CCDC73: variants seen among roughly 807,000 people sequenced by gnomAD.
CCDC73 encodes coiled-coil domain-containing protein 73.
A neutral mutation model predicts 116.5 loss-of-function variants in CCDC73; 95 were observed. The observed-to-expected ratio is 0.82, with a 90% confidence interval of 0.69 to 0.97. CCDC73 has a LOEUF of 0.97. Among genes scored for constraint, CCDC73 ranks in the 50% least tolerant of loss-of-function variants. The pLI, the probability that CCDC73 is intolerant of heterozygous loss-of-function variation, is 0.00. For missense variants in CCDC73, 1,066 were observed against 1,206.8 expected (o/e 0.88, Z 1.73); for synonymous variants, 398 against 401.3 (o/e 0.99, Z 0.10).
At chr11:32,809,466 C>G in the CCDC73 span, among the ~76,000 whole-genome samples, 92 of 152,318 alleles carry the variant, frequency 6.0e-4, 2 homozygotes, top group East Asian at 0.017. Context: ...CTGTCTTGAG[C>G]ATTACAAGTA....
At chr11:32,774,555 CT>C (rs1850517601) in intron 1 of CCDC73, among the ~76,000 whole-genome samples, 1 of 151,674 alleles carries the variant, frequency 6.6e-6, no homozygotes, top group African/African-American at 2.4e-5. Context: ...AACATTGGTC[CT>C]CAAAGAATAC....
rs142077917 is a variant in CCDC73 at position 32,658,360 on chromosome 11, G to A, written c.646-3388C>T. ...AGAGAAAGCATTTCAAGTATGGGAA[G>A]GGATGTAGAGGAAAACAAAACCAAA... On this transcript the variant is annotated intron_variant, in intron 9 of 17. Transcript: ENST00000335185. 8.1e-4 allele frequency among the ~76,000 whole-genome samples: 123 copies of A among 152,322 alleles called. 1 individual carries two copies. The highest frequency in any genetic ancestry group is 3.0e-3 in the African/African-American group (123 of 41,574).
At chr11:32,674,379 G>C (rs959600662) in intron 9 of CCDC73, among the ~76,000 whole-genome samples, 4 of 152,168 alleles carry the variant, frequency 2.6e-5, no homozygotes, top group African/African-American at 7.2e-5. Context: ...TCTACAGAAA[G>C]AACAAAGCCT....
At chr11:32,689,467 C>T (rs112864828) in intron 6 of CCDC73, among the ~76,000 whole-genome samples, 5,214 of 151,974 alleles carry the variant, frequency 0.034, 107 homozygotes, top group Non-Finnish European at 0.047. Context: ...AACAGGAAGA[C>T]TTGTACACAC....
intron 6 of CCDC73, among the ~76,000 whole-genome samples, chr11:32,685,658 CTAA>C (rs1237386805): frequency 1.3e-5 from 2 of 149,810 alleles, no homozygotes; most frequent in Non-Finnish European, 3.0e-5. Flanking sequence ...GTTTTTACAA[CTAA>C]TGAGATGGAA....
intron 3 of CCDC73, among the ~76,000 whole-genome samples, chr11:32,716,648 A>T (rs1849948777): frequency 6.6e-6 from 1 of 152,112 alleles, no homozygotes; most frequent in Non-Finnish European, 1.5e-5. Flanking sequence ...TACAGCCTCA[A>T]ATTCCTGGGC....
intron 9 of CCDC73, among the ~76,000 whole-genome samples, chr11:32,672,806 TAGAC>T (rs1160583562): frequency 6.6e-6 from 1 of 152,182 alleles, no homozygotes; most frequent in Non-Finnish European, 1.5e-5. Context: ...GTTTGCTAAA[TAGAC>T]AGACTTTTAA....
intron 9 of CCDC73, among the ~76,000 whole-genome samples, chr11:32,670,102 T>G (rs899254895): frequency 1.1e-4 from 17 of 152,364 alleles, no homozygotes; most frequent in Non-Finnish European, 1.3e-4. Context: ...AGGTGCTTTC[T>G]TATGCACTAA....
rs181970679 is a variant in CCDC73 at position 32,727,635 on chromosome 11, C to T, written c.136-9488G>A. ...TCCCCCAGGCTGGAGCGCAGTGGCGCCATCTCGGCTCACTGCAACCTCTGC... is the reference window on the plus strand; with the variant it reads ...TCCCCCAGGCTGGAGCGCAGTGGCGTCATCTCGGCTCACTGCAACCTCTGC... On this transcript the variant is annotated intron_variant, in intron 2 of 17. Coordinates refer to ENST00000335185, the MANE Select transcript of CCDC73 (RefSeq NM_001008391.4). 3.6e-3 allele frequency among the ~76,000 whole-genome samples: 554 copies of T among 152,208 alleles called. 9 individuals carry two copies. Among genetic ancestry groups the T allele is most frequent in the Non-Finnish European group, 6.7e-3 (454 of 68,000 alleles).
chr11:32,705,209 G>T (rs1392117871), intron 3 of CCDC73, among the ~76,000 whole-genome samples: 1 of 152,226 alleles, frequency 6.6e-6, no homozygotes, highest in Non-Finnish European at 1.5e-5. Flanking sequence ...AACACAAACA[G>T]GCTAAAATAC....
At chr11:32,774,867 CAACAG>C (rs1850520215) in intron 1 of CCDC73, among the ~76,000 whole-genome samples, 1 of 151,964 alleles carries the variant, frequency 6.6e-6, no homozygotes, top group Admixed American at 6.6e-5. Flanking sequence ...ACATGGAAAC[CAACAG>C]TGTGATAAGC....
In CCDC73 at chr11:32,642,019, T is replaced by G; in HGVS notation, c.1003A>C (p.Asn335His). ...GCTTTTTCATGCTCATTTTGAAGAT[T>G]AAGAAACTTTTCTTCATTTTCTTTT... ...KVKENEEKFL[N>H]LQNEHEKALG... is the part of the protein sequence containing the mutation. Residue 335 changes from asparagine to histidine, a missense_variant, in exon 13 of 18, where the codon AAT (asparagine) becomes CAT (histidine). Coordinates refer to ENST00000335185, the MANE Select transcript of CCDC73 (RefSeq NM_001008391.4). The G allele has an allele frequency of 6.4e-7, 1 of 1,568,590 alleles. No homozygotes were observed. Among genetic ancestry groups the G allele is most frequent in the African/African-American group, 1.4e-5 (1 of 73,510 alleles).
At chr11:32,657,272 C>T (rs951652848) in intron 9 of CCDC73, among the ~76,000 whole-genome samples, 2 of 152,198 alleles carry the variant, frequency 1.3e-5, no homozygotes, top group African/African-American at 4.8e-5. Context: ...GGAGAAAGGA[C>T]TCATTGGTCT....
At chr11:32,768,915 C>G (rs948970633) in intron 1 of CCDC73, among the ~76,000 whole-genome samples, 3 of 152,130 alleles carry the variant, frequency 2.0e-5, no homozygotes, top group African/African-American at 7.2e-5. Context: ...GATGTCTGAA[C>G]AAGTACTTCA....
chr11:32,633,768 G>T (rs571050358), intron 14 of CCDC73, among the ~76,000 whole-genome samples: 1 of 152,278 alleles, frequency 6.6e-6, no homozygotes, highest in Non-Finnish European at 1.5e-5. Flanking sequence ...CCTCTATGTA[G>T]CATGTGCCAA....
chr11:32,709,789 T>A (rs1294638371), intron 3 of CCDC73, among the ~76,000 whole-genome samples: 1 of 152,238 alleles, frequency 6.6e-6, no homozygotes, highest in Non-Finnish European at 1.5e-5. Context: ...TTGGTACCAA[T>A]ACTTTGAATG....
At chr11:32,664,492 T>G (rs921290644) in intron 9 of CCDC73, among the ~76,000 whole-genome samples, 4 of 152,198 alleles carry the variant, frequency 2.6e-5, no homozygotes, top group African/African-American at 9.7e-5. Flanking sequence ...TATTCTCTGA[T>G]GGTAGTTTGT....
chr11:32,673,611 T>C (rs1856058539), intron 9 of CCDC73, among the ~76,000 whole-genome samples: 1 of 152,176 alleles, frequency 6.6e-6, no homozygotes, highest in South Asian at 2.1e-4. Context: ...GAGTGCAATC[T>C]TTGACTGTGA....
chr11:32,828,512 G>GAA, the CCDC73 span, among the ~76,000 whole-genome samples: 8 of 100,450 alleles, frequency 8.0e-5, no homozygotes, highest in African/African-American at 1.0e-4. Context: ...TCTGTCTCAA[G>GAA]AAAAAAAAAA....
Sources: allele counts gnomAD v4.1 joint callset (sites outside exome capture counted in the v4.1 genomes callset), GRCh38; gene constraint gnomAD v4.1.1; transcripts MANE v1.5; gene names NCBI Gene and HGNC (gene_info 2026-07-23, HGNC 2026-07-21).